MAGI2: variants seen among roughly 807,000 people sequenced by gnomAD.
MAGI2 encodes membrane-associated guanylate kinase, WW and PDZ domain-containing protein 2.
Under a neutral mutation model 133.3 loss-of-function variants are expected in MAGI2, and 35 were observed. That is an observed-to-expected ratio of 0.26 (90% confidence interval 0.20 to 0.35). The LOEUF is 0.35. Ranked by LOEUF, MAGI2 falls within the 10% of genes least tolerant of loss-of-function variation. MAGI2 has a pLI of 1.00. For synonymous variants in MAGI2, 729 were observed against 710.6 expected, an observed-to-expected ratio of 1.03 and a Z score of -0.41; for missense variants, 1,636 against 1,863.4, an observed-to-expected ratio of 0.88 and a Z score of 2.25.
chr7:78,692,995 G>A (rs1182510382), intron 2 of MAGI2, among the ~76,000 whole-genome samples: 7 of 152,096 alleles, frequency 4.6e-5, no homozygotes, highest in South Asian at 2.1e-4. Context: ...CTTAGAGGCC[G>A]CATCAGAGAT....
At chr7:79,452,570 C>G (rs1849358789) in intron 1 of MAGI2, among the ~76,000 whole-genome samples, 2 of 152,152 alleles carry the variant, frequency 1.3e-5, no homozygotes, top group Non-Finnish European at 2.9e-5. Context: ...TCCGCTCACC[C>G]CACCACCTTC....
chr7:78,855,621 A>G (rs1222279991), intron 2 of MAGI2, among the ~76,000 whole-genome samples: 1 of 152,188 alleles, frequency 6.6e-6, no homozygotes, highest in Non-Finnish European at 1.5e-5. Flanking sequence ...TCCATGGTGT[A>G]TATGTGCCAC....
chr7:79,136,343 C>T (rs1821572806), intron 1 of MAGI2, among the ~76,000 whole-genome samples: 1 of 152,174 alleles, frequency 6.6e-6, no homozygotes, highest in South Asian at 2.1e-4. Context: ...ACACTGGGAG[C>T]TTATTTCCAA....
intron 1 of MAGI2, among the ~76,000 whole-genome samples, chr7:79,088,687 A>T (rs1179753847): frequency 6.6e-6 from 1 of 152,100 alleles, no homozygotes; most frequent in Non-Finnish European, 1.5e-5. Context: ...ATGTTCCATC[A>T]GTACCTAGTT....
Position 79,254,446 on chromosome 7 carries a change from T to C in MAGI2, c.301+198574A>G, listed in dbSNP as rs566989818. 9.8e-5 allele frequency among the ~76,000 whole-genome samples: 15 copies of C among 152,346 alleles called. No individual in the cohort carries two copies. In the South Asian group the frequency reaches 3.1e-3, roughly 32 times the overall value. ...CTTACAAAGGCCATCTTACTGAATATGTTTTTAAAAAGTTTTCTTGCCATT... is the reference window on the plus strand; with the variant it reads ...CTTACAAAGGCCATCTTACTGAATACGTTTTTAAAAAGTTTTCTTGCCATT... On this transcript the variant is annotated intron_variant, in intron 1 of 21. Transcript: ENST00000354212.
chr7:78,055,813 C>G (rs1379441816), intron 21 of MAGI2, among the ~76,000 whole-genome samples: 1 of 152,164 alleles, frequency 6.6e-6, no homozygotes, highest in Non-Finnish European at 1.5e-5. Context: ...AACTCAGCAC[C>G]TCTTATCTAA....
At chr7:78,381,465 A>G (rs1794918513) in intron 6 of MAGI2, among the ~76,000 whole-genome samples, 1 of 152,186 alleles carries the variant, frequency 6.6e-6, no homozygotes, top group South Asian at 2.1e-4. Context: ...TAACTACATA[A>G]AAACAGAAAA....
At chr7:79,281,934 A>G (rs1394445846) in intron 1 of MAGI2, among the ~76,000 whole-genome samples, 1 of 152,132 alleles carries the variant, frequency 6.6e-6, no homozygotes, top group African/African-American at 2.4e-5. Context: ...AACTTTTATC[A>G]TTCCTGTGAG....
intron 9 of MAGI2, among the ~76,000 whole-genome samples, chr7:78,329,907 C>T (rs1410933894): frequency 6.6e-6 from 1 of 152,056 alleles, no homozygotes; most frequent in Non-Finnish European, 1.5e-5. Flanking sequence ...CAACATGGCA[C>T]CACAATTCTG....
At chr7:79,381,952 T>C (rs756014188) in intron 1 of MAGI2, among the ~76,000 whole-genome samples, 2 of 151,674 alleles carry the variant, frequency 1.3e-5, no homozygotes, top group Non-Finnish European at 3.0e-5. Context: ...GCTCCTCACT[T>C]ATTAGTTATT....
intron 2 of MAGI2, among the ~76,000 whole-genome samples, chr7:78,887,635 T>G (rs1318293627): frequency 1.2e-4 from 19 of 152,240 alleles, no homozygotes; most frequent in Admixed American, 1.2e-3. Flanking sequence ...CAGACACATA[T>G]CCACCCAACT....
intron 10 of MAGI2, chr7:78,254,411 G>A (rs1792751054): frequency 6.6e-6 from 1 of 152,152 alleles, no homozygotes; most frequent in Admixed American, 6.5e-5. Context: ...TGAAGATATG[G>A]CTATTTAATT....
intron 2 of MAGI2, among the ~76,000 whole-genome samples, chr7:78,654,186 G>A (rs902935698): frequency 6.6e-6 from 1 of 152,136 alleles, no homozygotes; most frequent in Non-Finnish European, 1.5e-5. Context: ...ACAAACCCTG[G>A]CTCTATCACT....
At chr7:78,976,792 G>A (rs906758430) in intron 2 of MAGI2, among the ~76,000 whole-genome samples, 22 of 150,786 alleles carry the variant, frequency 1.5e-4, no homozygotes, top group African/African-American at 5.1e-4. Context: ...AAACTCAATT[G>A]CTCTGCTTTA....
At chr7:78,600,514 G>C (rs1048872332) in intron 3 of MAGI2, among the ~76,000 whole-genome samples, 2 of 152,132 alleles carry the variant, frequency 1.3e-5, no homozygotes, top group Non-Finnish European at 2.9e-5. Flanking sequence ...TGTTTGTGTA[G>C]AAAATAGCAT....
At chr7:78,717,218 T>C (rs990424462) in intron 2 of MAGI2, among the ~76,000 whole-genome samples, 13 of 152,212 alleles carry the variant, frequency 8.5e-5, no homozygotes, top group African/African-American at 2.9e-4. Flanking sequence ...CGAGCCGCCC[T>C]CCTTGTCTTT....
intron 1 of MAGI2, among the ~76,000 whole-genome samples, chr7:79,403,747 T>A (rs940418197): frequency 6.6e-6 from 1 of 152,168 alleles, no homozygotes; most frequent in Non-Finnish European, 1.5e-5. Context: ...AAATGACTAC[T>A]GAGACTTTAG....
intron 6 of MAGI2, among the ~76,000 whole-genome samples, chr7:78,447,089 C>T (rs1788222148): frequency 6.6e-6 from 1 of 151,992 alleles, no homozygotes; most frequent in African/African-American, 2.4e-5. Context: ...TCTGTATATT[C>T]AAATACAGGA....
intron 1 of MAGI2, among the ~76,000 whole-genome samples, chr7:79,153,444 C>A (rs1255623376): frequency 6.6e-6 from 1 of 152,138 alleles, no homozygotes; most frequent in Admixed American, 6.5e-5. Context: ...GCTTTGAAGG[C>A]AAACCTACTG....
Sources: allele counts gnomAD v4.1 joint callset (sites outside exome capture counted in the v4.1 genomes callset), GRCh38; gene constraint gnomAD v4.1.1; transcripts MANE v1.5; gene names NCBI Gene and HGNC (gene_info 2026-07-23, HGNC 2026-07-21).